SHISA9: variants seen among roughly 807,000 people sequenced by gnomAD.
The protein encoded by SHISA9 is protein shisa-9.
Under a neutral mutation model 38.0 loss-of-function variants are expected in SHISA9, and 13 were observed. That is an observed-to-expected ratio of 0.34 (90% CI 0.22 to 0.54). The LOEUF is 0.54. Ranked by LOEUF, SHISA9 falls within the 20% of genes least tolerant of loss-of-function variation. SHISA9 has a pLI of 0.91. For missense variants in SHISA9, 538 were observed against 575.8 expected (o/e 0.93, Z 0.67); for synonymous variants, 275 against 242.0 (o/e 1.14, Z -1.27).
chr16:13,535,905 C>A, the SHISA9 span, among the ~76,000 whole-genome samples: 1 of 152,208 alleles, frequency 6.6e-6, no homozygotes, highest in Non-Finnish European at 1.5e-5. Context: ...AGCTTCACTT[C>A]CTATAACTTT....
At chr16:13,071,830 G>A (rs1310878819) in intron 2 of SHISA9, among the ~76,000 whole-genome samples, 1 of 151,482 alleles carries the variant, frequency 6.6e-6, no homozygotes, top group East Asian at 1.9e-4. Context: ...TTTTTATGGA[G>A]AGAAAGGGTT....
chr16:12,970,620 C>T (rs865863870), intron 2 of SHISA9, among the ~76,000 whole-genome samples: 8 of 143,270 alleles, frequency 5.6e-5, no homozygotes, highest in African/African-American at 2.1e-4. Context: ...AAATGATTCT[C>T]CTGCCTCAGC....
At chr16:13,141,792 A>G (rs1444742979) in intron 2 of SHISA9, among the ~76,000 whole-genome samples, 2 of 152,210 alleles carry the variant, frequency 1.3e-5, no homozygotes, top group Admixed American at 6.6e-5. Flanking sequence ...TAAGTCTTTC[A>G]ATTAAGTAGT....
At chr16:12,938,306 C>T (rs1041890715) in intron 2 of SHISA9, among the ~76,000 whole-genome samples, 7 of 152,176 alleles carry the variant, frequency 4.6e-5, no homozygotes, top group Admixed American at 4.6e-4. Flanking sequence ...TGCAACTCTC[C>T]CTGGAATACC....
chr16:13,180,911 G>C (rs573073177), intron 2 of SHISA9, among the ~76,000 whole-genome samples: 1 of 152,110 alleles, frequency 6.6e-6, no homozygotes. Flanking sequence ...TGGAATCATA[G>C]TCAATTGGAG....
At chr16:12,950,737 T>A (rs1324169311) in intron 2 of SHISA9, among the ~76,000 whole-genome samples, 1 of 151,290 alleles carries the variant, frequency 6.6e-6, no homozygotes, top group East Asian at 2.0e-4. Context: ...GCCTCCTGAG[T>A]AGCTGGGATT....
intron 2 of SHISA9, among the ~76,000 whole-genome samples, chr16:12,926,016 G>C (rs1032386560): frequency 6.6e-6 from 1 of 152,076 alleles, no homozygotes; most frequent in Admixed American, 6.6e-5. Context: ...GTGAGCCACC[G>C]TGCCTGGACT....
At chr16:13,558,795 A>G in the SHISA9 span, among the ~76,000 whole-genome samples, 1 of 152,350 alleles carries the variant, frequency 6.6e-6, no homozygotes, top group Non-Finnish European at 1.5e-5. Context: ...ATATTTGTTT[A>G]TCGTATGACA....
the SHISA9 span, among the ~76,000 whole-genome samples, chr16:13,416,134 A>T: frequency 6.6e-6 from 1 of 152,226 alleles, no homozygotes; most frequent in Non-Finnish European, 1.5e-5. Context: ...TACATGAAAA[A>T]AAACCTCAAA....
At chr16:13,382,446 C>G in the SHISA9 span, among the ~76,000 whole-genome samples, 1 of 146,406 alleles carries the variant, frequency 6.8e-6, no homozygotes, top group South Asian at 2.2e-4. Context: ...GGGAGAATTT[C>G]TTGAACTCAG....
chr16:13,006,498 G>C (rs1222502713), intron 2 of SHISA9, among the ~76,000 whole-genome samples: 2 of 152,172 alleles, frequency 1.3e-5, no homozygotes, highest in Non-Finnish European at 2.9e-5. Context: ...CTGTCTCCAA[G>C]GACATTGCAA....
At chr16:13,488,168 C>T in the SHISA9 span, among the ~76,000 whole-genome samples, 1 of 151,756 alleles carries the variant, frequency 6.6e-6, no homozygotes, top group East Asian at 1.9e-4. Context: ...ACCTGAGCCC[C>T]TAATGGCTTT....
chr16:13,462,075 G>A, the SHISA9 span, among the ~76,000 whole-genome samples: 3 of 151,774 alleles, frequency 2.0e-5, no homozygotes, highest in Admixed American at 2.0e-4. Flanking sequence ...TTCAAGACCA[G>A]GCTGAGCAAC....
the SHISA9 span, among the ~76,000 whole-genome samples, chr16:13,552,152 C>G: frequency 6.6e-6 from 1 of 152,100 alleles, no homozygotes; most frequent in East Asian, 1.9e-4. Context: ...AAATAAGATG[C>G]AGGCTTCTCC....
chr16:13,376,804 C>T, the SHISA9 span, among the ~76,000 whole-genome samples: 19,919 of 152,020 alleles, frequency 0.13, 1,573 homozygotes, highest in East Asian at 0.39. Context: ...CCTCCCACCT[C>T]AGCCTCCTGA....
At chr16:13,420,245 CAAAAAAAAAAAAAAA>C in the SHISA9 span, among the ~76,000 whole-genome samples, 113 of 50,414 alleles carry the variant, frequency 2.2e-3, 1 homozygote, top group Middle Eastern at 0.024. Context: ...GAATCTGTTT[CAAAAAAAAAAAAAAA>C]AAAAAAAAAA....
At chr16:13,152,737 C>T (rs1219521067) in intron 2 of SHISA9, among the ~76,000 whole-genome samples, 2 of 152,240 alleles carry the variant, frequency 1.3e-5, no homozygotes, top group East Asian at 3.9e-4. Context: ...TTGATGAAGA[C>T]TCTATCTGAA....
chr16:13,129,243 C>G (rs966011799), intron 2 of SHISA9, among the ~76,000 whole-genome samples: 1 of 152,144 alleles, frequency 6.6e-6, no homozygotes, highest in Admixed American at 6.5e-5. Context: ...AGAAGAAAAA[C>G]AACCCCAAAT....
Position 13,230,309 on chromosome 16 carries a change from AAAGGATTGGAGGAGGTGAAACAAGGC to A in SHISA9, c.896-4715_896-4690del, listed in dbSNP as rs142676126. Among the ~76,000 whole-genome samples, 1,429 of 152,314 alleles carry A rather than the reference AAAGGATTGGAGGAGGTGAAACAAGGC, an allele frequency of 9.4e-3. 22 individuals carry two copies. The highest frequency in any genetic ancestry group is 0.033 in the African/African-American group (1,379 of 41,558). On this transcript the variant is annotated intron_variant, in intron 4 of 4. Coordinates refer to ENST00000558583, the MANE Select transcript of SHISA9 (RefSeq NM_001145204.3). The stretch of plus-strand genomic sequence containing the variant: ...ACAGCTCAAAGACTGCAACATGGAG[AAAGGATTGGAGGAGGTGAAACAAGGC>A]AAGGAGGCCAGTTTGGTTACTGAAG...
Sources: gnomAD v4.1 joint callset for allele counts (sites outside exome capture counted in the v4.1 genomes callset) on GRCh38, gnomAD v4.1.1 for gene constraint, MANE v1.5 for transcripts, NCBI Gene and HGNC (gene_info 2026-07-23, HGNC 2026-07-21) for gene names.